CCDC171: variants seen among roughly 807,000 people sequenced by gnomAD.
CCDC171 encodes the protein coiled-coil domain-containing protein 171.
CCDC171 carries 177 observed loss-of-function variants against 168.2 expected under a neutral mutation model. That is an observed-to-expected ratio of 1.05 (90% CI 0.93 to 1.19). CCDC171 has a LOEUF of 1.19. Ranked by LOEUF, CCDC171 falls within the 50% of genes most tolerant of loss-of-function variation. The pLI, the probability that CCDC171 is intolerant of heterozygous loss-of-function variation, is 0.00. For synonymous variants in CCDC171, 687 were observed against 540.8 expected, an observed-to-expected ratio of 1.27 and a Z score of -3.75; for missense variants, 1,991 against 1,539.0, an observed-to-expected ratio of 1.29 and a Z score of -4.91.
chr9:15,563,811 A>T (rs2039507447), intron 1 of CCDC171, among the ~76,000 whole-genome samples, 167 bp from the exon 2 acceptor site: 2 of 152,322 alleles, frequency 1.3e-5, no homozygotes, highest in South Asian at 4.1e-4. Context: ...CAGTCTGCTT[A>T]TTTGAGTTCC....
chr9:15,628,177 C>T (rs2045332014), intron 7 of CCDC171, among the ~76,000 whole-genome samples: 1 of 152,196 alleles, frequency 6.6e-6, no homozygotes, highest in Non-Finnish European at 1.5e-5. Context: ...ACAGTGGGCG[C>T]AGGACAGTGG....
intron 18 of CCDC171, among the ~76,000 whole-genome samples, chr9:15,774,125 A>C (rs2057166138): frequency 6.6e-6 from 1 of 151,856 alleles, no homozygotes; most frequent in South Asian, 2.1e-4. Flanking sequence ...GGGCATCTGT[A>C]ACCCCAGCTA....
intron 7 of CCDC171, among the ~76,000 whole-genome samples, chr9:15,648,912 G>A (rs1033391590): frequency 2.0e-5 from 3 of 152,174 alleles, no homozygotes; most frequent in Non-Finnish European, 4.4e-5. Context: ...AAGTTCATAT[G>A]AAACCAGAAA....
chr9:16,003,592 A>C (rs1269506687), intron 3 of CCDC171, among the ~76,000 whole-genome samples: 1 of 152,176 alleles, frequency 6.6e-6, no homozygotes, highest in Non-Finnish European at 1.5e-5. Flanking sequence ...ACATTTTCTG[A>C]ATATATAAAA....
intron 24 of CCDC171, among the ~76,000 whole-genome samples, chr9:15,879,806 T>C (rs1298030848): frequency 1.3e-5 from 2 of 152,166 alleles, no homozygotes; most frequent in South Asian, 2.1e-4. Context: ...ATTTTTTCAT[T>C]ATTCTCTTTT....
intron 9 of CCDC171, among the ~76,000 whole-genome samples, chr9:15,668,332 T>A (rs1468831822): frequency 1.3e-5 from 2 of 152,218 alleles, no homozygotes; most frequent in Admixed American, 6.5e-5. Flanking sequence ...CTTTCCTAAT[T>A]GGACCCCAAA....
the CCDC171 span, among the ~76,000 whole-genome samples, chr9:16,075,964 A>T: frequency 6.6e-6 from 1 of 152,340 alleles, no homozygotes; most frequent in East Asian, 1.9e-4. Context: ...TTTCATGTAT[A>T]TGTACTGAGT....
intron 9 of CCDC171, among the ~76,000 whole-genome samples, chr9:15,677,837 C>CTG (rs774482581): frequency 3.0e-4 from 24 of 80,710 alleles, no homozygotes; most frequent in East Asian, 9.0e-4. Flanking sequence ...ACACAAATGG[C>CTG]TGTGTGTGTG....
intron 3 of CCDC171, among the ~76,000 whole-genome samples, chr9:16,004,534 G>A (rs1832643768): frequency 2.6e-5 from 4 of 152,052 alleles, no homozygotes; most frequent in Admixed American, 6.6e-5. Flanking sequence ...GTGCTGCTTG[G>A]TTCTCTTTTG....
intron 18 of CCDC171, among the ~76,000 whole-genome samples, chr9:15,764,515 G>A (rs2056619545): frequency 2.0e-5 from 3 of 152,166 alleles, no homozygotes; most frequent in African/African-American, 7.2e-5. Context: ...TAGGAATCAA[G>A]AATGGCTTCA....
intron 24 of CCDC171, among the ~76,000 whole-genome samples, chr9:15,912,028 C>T (rs1823734316): frequency 6.6e-6 from 1 of 152,102 alleles, no homozygotes; most frequent in South Asian, 2.1e-4. Context: ...CTTGGCTGTA[C>T]AGGCTCTCTT....
chr9:15,623,244 T>C, intron 6 of CCDC171, 23 bp from the exon 7 acceptor site: 1 of 1,538,058 alleles, frequency 6.5e-7, no homozygotes, highest in Non-Finnish European at 8.8e-7. Flanking sequence ...ACTTTATTGA[T>C]GCAAAAATGA....
chr9:15,569,070 T>A (rs996945155), intron 2 of CCDC171, among the ~76,000 whole-genome samples: 2 of 152,236 alleles, frequency 1.3e-5, no homozygotes, highest in Non-Finnish European at 2.9e-5. Flanking sequence ...TTTATTTCTC[T>A]CTAGACTTTG....
At chr9:16,083,356 T>G in the CCDC171 span, among the ~76,000 whole-genome samples, 9 of 152,160 alleles carry the variant, frequency 5.9e-5, no homozygotes, top group Non-Finnish European at 1.3e-4. Flanking sequence ...GTGGCCAGTC[T>G]TGGGACTTAC....
chr9:15,975,113 A>T (rs780116000), downstream of CCDC171, among the ~76,000 whole-genome samples: 5 of 152,160 alleles, frequency 3.3e-5, no homozygotes, highest in Non-Finnish European at 5.9e-5. Context: ...AAGGTGGAAG[A>T]TAATTAATAT....
intron 18 of CCDC171, among the ~76,000 whole-genome samples, chr9:15,769,313 A>T (rs1449061074): frequency 1.3e-5 from 2 of 152,178 alleles, no homozygotes; most frequent in Non-Finnish European, 2.9e-5. Flanking sequence ...GAGGGTCAAG[A>T]ATATAGATTT....
At chr9:15,647,300 G>A (rs982598263) in intron 7 of CCDC171, among the ~76,000 whole-genome samples, 1 of 152,034 alleles carries the variant, frequency 6.6e-6, no homozygotes, top group African/African-American at 2.4e-5. Flanking sequence ...GAGAAAGCAG[G>A]AAAGATCTAA....
intron 10 of CCDC171, among the ~76,000 whole-genome samples, chr9:15,693,206 G>A (rs1229190646): frequency 4.3e-4 from 8 of 18,464 alleles, no homozygotes; most frequent in Non-Finnish European, 9.2e-4. Context: ...TTACAAATAG[G>A]TACACACAGA....
intron 6 of CCDC171, among the ~76,000 whole-genome samples, chr9:15,599,229 G>A (rs1426262830): frequency 1.3e-5 from 2 of 152,160 alleles, no homozygotes; most frequent in African/African-American, 4.8e-5. Flanking sequence ...AGTTGATGCA[G>A]TTTCTTCCTA....
Sources: allele counts gnomAD v4.1 joint callset (sites outside exome capture counted in the v4.1 genomes callset), GRCh38; gene constraint gnomAD v4.1.1; transcripts MANE v1.5; gene names NCBI Gene and HGNC (gene_info 2026-07-23, HGNC 2026-07-21).